Variants in PLPBP observed in about 807,000 individuals in gnomAD.
PLPBP encodes pyridoxal phosphate binding protein.
PLPBP carries 21 observed loss-of-function variants against 31.2 expected under a neutral mutation model. That is an observed-to-expected ratio of 0.67 (90% CI 0.48 to 0.97). The LOEUF is 0.97. Ranked by LOEUF, PLPBP falls within the 50% of genes least tolerant of loss-of-function variation. PLPBP has a pLI of 0.00. For synonymous variants in PLPBP, 124 were observed against 135.6 expected (o/e 0.91, Z 0.59); for missense variants, 308 against 354.4 (o/e 0.87, Z 1.05).
chr8:37,769,603 A>G (rs1803721020), intron 4 of PLPBP, among the ~76,000 whole-genome samples: 1 of 152,166 alleles, frequency 6.6e-6, no homozygotes, highest in Non-Finnish European at 1.5e-5. Flanking sequence ...AAAAATATTC[A>G]TCCTCAGAGA....
Position 37,765,613 on chromosome 8 carries a change from C to T in PLPBP, c.187C>T (p.Arg63Cys), listed in dbSNP as rs200513367. Residue 63 changes from arginine (R) to cysteine (C), a missense_variant, in exon 2 of 8, where the codon CGC becomes TGC. Transcript: ENST00000328195. ...MVIEAYGHGQ[R>C]TFGENYVQEL... ...GATCGAGGCCTATGGACATGGGCAGCGCACTTTTGGCGAGAACTACGTAAG... is the reference window on the plus strand; with the variant it reads ...GATCGAGGCCTATGGACATGGGCAGTGCACTTTTGGCGAGAACTACGTAAG... 423 of 1,614,164 alleles carry T rather than the reference C, an allele frequency of 2.6e-4. No individual in the cohort carries two copies. The highest frequency in any genetic ancestry group is 3.4e-4 in the Non-Finnish European group (406 of 1,180,018).
rs745322126 is a variant in PLPBP, at chr8:37,765,473, A to C, written c.100-53A>C. The C allele has an allele frequency of 2.6e-6, 4 of 1,515,324 alleles. No individual in the cohort carries two copies. In the African/African-American group the frequency reaches 5.5e-5, roughly 21 times the overall value. 93.9% of individuals were successfully genotyped at this position (1,515,324 alleles called of 1,614,324 possible). On this transcript the variant is annotated intron_variant, in intron 1 of 7. Coordinates refer to ENST00000328195, the MANE Select transcript of PLPBP (RefSeq NM_007198.4). ...CTACAGGATCTATCCTATGGGATTC[A>C]TTGGGGTACTGTTCCCAAACATTCA... is the stretch of plus-strand genomic sequence containing the variant.
In PLPBP at chr8:37,779,502, G is replaced by A. The variant is rs572226618; in HGVS notation, c.*1398G>A. 2.0e-5 allele frequency: 3 copies of A among 152,432 alleles called. No homozygotes were observed. Among genetic ancestry groups the A allele is most frequent in the African/African-American group, 7.2e-5 (3 of 41,580 alleles). The allele number at this position is 152,432 out of a possible 1,614,324, so 9.4% of individuals were successfully genotyped here. Reference sequence around the variant, plus strand: ...AAAAACACCATTCTCTAATAGTCATGACAAATGGCTTCAGTATGGCTTGTT... The same window carrying A: ...AAAAACACCATTCTCTAATAGTCATAACAAATGGCTTCAGTATGGCTTGTT... On this transcript the variant is annotated 3_prime_UTR_variant, in exon 8 of 8. Coordinates refer to ENST00000328195, the MANE Select transcript of PLPBP (RefSeq NM_007198.4).
rs553228499 is a variant in PLPBP, at chr8:37,775,431, A to G, written c.547A>G (p.Ile183Val). The G allele has an allele frequency of 1.8e-5, 29 of 1,614,244 alleles. No individual in the cohort carries two copies. The East Asian group carries it at 6.0e-4, about 33-fold the overall frequency. ...PNLEFVGLMT[I>V]GSFGHDLSQG... is the part of the protein sequence containing the mutation. ...CCTGGAGTTTGTGGGGCTGATGACC[A>G]TAGGAAGCTTTGGGCATGATCTTAG... The change falls in exon 6 of 8, where the codon ATA (isoleucine) becomes GTA (valine). Residue 183 changes from isoleucine (I) to valine (V), a missense_variant. By Grantham distance (29) the Ile-to-Val change is conservative. This residue lies in a region of PLPBP where 188 missense variants were observed against 259.3 expected (regional missense o/e 0.73). Coordinates refer to ENST00000328195, the MANE Select transcript of PLPBP (RefSeq NM_007198.4).
Position 37,775,978 on chromosome 8 carries a change from G to T in PLPBP, c.658G>T (p.Glu220Ter). Reference protein sequence around the residue: ...KKLNIPADQVELSMGMSADFQ... With the variant: ...KKLNIPADQV Reference sequence around the variant, plus strand: ...GCTGAACATCCCTGCTGACCAGGTTGAGCTGAGCATGGGCATGTCCGCGGA... The same window carrying T: ...GCTGAACATCCCTGCTGACCAGGTTTAGCTGAGCATGGGCATGTCCGCGGA... The change falls in exon 7 of 8, where the codon GAG becomes TAG. Residue 220 changes from glutamate to a stop codon, truncating the protein, a stop_gained. Transcript: ENST00000328195. LOFTEE classifies it high-confidence loss of function. 2 of 1,614,004 alleles carry T rather than the reference G, an allele frequency of 1.2e-6. No homozygotes were observed. The highest frequency in any genetic ancestry group is 2.2e-5 in the South Asian group (2 of 91,076).
intron 3 of PLPBP, 80 bp downstream of exon 3, chr8:37,765,826 A>G (rs1461791785): frequency 6.7e-7 from 1 of 1,492,686 alleles, no homozygotes; most frequent in Non-Finnish European, 9.2e-7. Context: ...CTGGTGGTTG[A>G]GTTGTACAGC....
chr8:37,763,226 T>C (rs1179286970), intron 1 of PLPBP, among the ~76,000 whole-genome samples: 1 of 152,182 alleles, frequency 6.6e-6, no homozygotes, highest in African/African-American at 2.4e-5. Flanking sequence ...GAGGGTGGAC[T>C]GGCCGGACTT....
rs1022525558 is a variant in PLPBP at position 37,766,448 on chromosome 8, C to T, written c.319+93C>T. On this transcript the variant is annotated intron_variant, in intron 4 of 7. Coordinates refer to ENST00000328195, the MANE Select transcript of PLPBP (RefSeq NM_007198.4). The stretch of plus-strand genomic sequence containing the variant: ...AAGAGAGAGCAACTTTTAGAATAGC[C>T]CCAATTCACCATTTGTTTTTGGAAT... The T allele has an allele frequency of 1.0e-5, 14 of 1,395,520 alleles. No homozygotes were observed. The African/African-American group carries it at 1.3e-4, about 13-fold the overall frequency. The allele number at this position is 1,395,520 out of a possible 1,614,324, so 86.4% of individuals were successfully genotyped here.
rs11546424 is a variant in PLPBP, at chr8:37,762,723, G to A, written c.64G>A (p.Glu22Lys). 3.0e-5 allele frequency: 47 copies of A among 1,587,348 alleles called. No individual in the cohort carries two copies. Among genetic ancestry groups the A allele is most frequent in the Non-Finnish European group, 3.9e-5 (46 of 1,171,936 alleles). Residue 22 changes from glutamate to lysine, a missense_variant, in exon 1 of 8, where the codon GAG becomes AAG. Coordinates refer to ENST00000328195, the MANE Select transcript of PLPBP (RefSeq NM_007198.4). ...CGGGTGCGCATTGCGGGCGGTGAACGAGCGCGTGCAGCAGGCTGTGGCGCG... is the reference window on the plus strand; with the variant it reads ...CGGGTGCGCATTGCGGGCGGTGAACAAGCGCGTGCAGCAGGCTGTGGCGCG... The part of the protein sequence containing the change: ...GVGCALRAVN[E>K]RVQQAVARRP...
chr8:37,776,478 C>CAAAAAAAAAAAAAAAAAA (rs915875297), intron 7 of PLPBP, among the ~76,000 whole-genome samples: 1 of 10,638 alleles, frequency 9.4e-5, no homozygotes, highest in Non-Finnish European at 1.7e-4. Context: ...GACTCCATCT[C>CAAAAAAAAAAAAAAAAAA]AAAAAAAAAA....
Position 37,772,890 on chromosome 8 carries a change from G to C in PLPBP, c.454+1G>C. ...CAGATTAACACCAGCGGAGAAGAGAGTAAGTAACCAGACCTGAATTGTAGA... is the reference window on the plus strand; with the variant it reads ...CAGATTAACACCAGCGGAGAAGAGACTAAGTAACCAGACCTGAATTGTAGA... On this transcript the variant is annotated splice_donor_variant, in intron 5 of 7. Coordinates refer to ENST00000328195, the MANE Select transcript of PLPBP (RefSeq NM_007198.4). LOFTEE classifies it high-confidence loss of function. The C allele has an allele frequency of 6.2e-7, 1 of 1,614,148 alleles. No individual in the cohort carries two copies. Among genetic ancestry groups the C allele is most frequent in the Non-Finnish European group, 8.5e-7 (1 of 1,179,988 alleles).
rs116417915 is a variant in PLPBP, at chr8:37,774,284, G to A, written c.455-1055G>A. Among the ~76,000 whole-genome samples, 833 of 152,340 alleles carry A rather than the reference G, an allele frequency of 5.5e-3. 5 individuals are homozygous for A. The highest frequency in any genetic ancestry group is 0.019 in the African/African-American group (794 of 41,576). ...TATCTTTATGGGGCTTGGATTAACA[G>A]TGTAACATAGTGTGAATAGAAGCAT... On this transcript the variant is annotated intron_variant, in intron 5 of 7. Transcript: ENST00000328195.
At chr8:37,769,920 T>C (rs1302000922) in intron 4 of PLPBP, among the ~76,000 whole-genome samples, 1 of 152,114 alleles carries the variant, frequency 6.6e-6, no homozygotes, top group Non-Finnish European at 1.5e-5. Context: ...TACCTAAGAA[T>C]AAACTTCACC....
chr8:37,767,489 T>C lies in PLPBP; in HGVS notation c.319+1134T>C, dbSNP rs1803662957. ...TGACTTCTTTCATTCAGTGTAGTGA[T>C]TCATCATGTTCATACCTGTATCAAA... On this transcript the variant is annotated intron_variant, in intron 4 of 7. Transcript: ENST00000328195. 1.3e-5 allele frequency among the ~76,000 whole-genome samples: 2 copies of C among 152,224 alleles called. 1 individual carries two copies. Among genetic ancestry groups the C allele is most frequent in the African/African-American group, 4.8e-5 (2 of 41,462 alleles).
At chr8:37,774,379 T>C (rs1803849583) in intron 5 of PLPBP, among the ~76,000 whole-genome samples, 1 of 152,246 alleles carries the variant, frequency 6.6e-6, no homozygotes. Context: ...TTGGATAAGT[T>C]ACCTAATCTC....
intron 4 of PLPBP, among the ~76,000 whole-genome samples, chr8:37,768,406 A>G (rs1803688862): frequency 6.6e-6 from 1 of 151,984 alleles, no homozygotes; most frequent in Non-Finnish European, 1.5e-5. Context: ...ATAAGTCAAC[A>G]AAGGAGATAT....
intron 6 of PLPBP, among the ~76,000 whole-genome samples, 168 bp from the exon 7 acceptor site, chr8:37,775,750 C>T (rs1012631334): frequency 6.6e-6 from 1 of 152,310 alleles, no homozygotes; most frequent in Non-Finnish European, 1.5e-5. Context: ...ATAGTTTTCT[C>T]GAAAGTGGGA....
At chr8:37,777,060 C>T (rs1803931627) in intron 7 of PLPBP, among the ~76,000 whole-genome samples, 1 of 152,200 alleles carries the variant, frequency 6.6e-6, no homozygotes, top group Non-Finnish European at 1.5e-5. Flanking sequence ...AGCCACTGCA[C>T]CCGTCCGAGG....
chr8:37,770,058 T>A (rs1803729763), intron 4 of PLPBP, among the ~76,000 whole-genome samples: 1 of 152,232 alleles, frequency 6.6e-6, no homozygotes, highest in African/African-American at 2.4e-5. Flanking sequence ...AAAATGTCCT[T>A]ATTGCCCAAA....
Sources: gnomAD v4.1 joint callset for allele counts (sites outside exome capture counted in the v4.1 genomes callset) on GRCh38, gnomAD v4.1.1 for gene constraint, gnomAD v4.1.1 regional missense constraint, MANE v1.5 for transcripts, NCBI Gene and HGNC (gene_info 2026-07-23, HGNC 2026-07-21) for gene names.